Variants in CEP78 observed in about 807,000 individuals in gnomAD.
CEP78 encodes centrosomal protein of 78 kDa.
In CEP78, 76 loss-of-function variants were observed where a neutral mutation model predicts 81.2. That is an observed-to-expected ratio of 0.94 (90% CI 0.78 to 1.13). CEP78 has a LOEUF of 1.13. Ranked by LOEUF, CEP78 falls within the 50% of genes most tolerant of loss-of-function variation. The pLI is 0.00. For synonymous variants in CEP78, 293 were observed against 301.4 expected (o/e 0.97, Z 0.29); for missense variants, 918 against 846.8 (o/e 1.08, Z -1.04).
At chr9:78,248,499 A>G in intron 7 of CEP78, 144 bp downstream of exon 7, 1 of 651,200 alleles carries the variant, frequency 1.5e-6, no homozygotes, top group Admixed American at 2.9e-5. Context: ...CTAGGACTGT[A>G]GGTATATATC....
chr9:78,263,168 G>A (rs1324167047), intron 12 of CEP78, among the ~76,000 whole-genome samples, 184 bp downstream of exon 12: 1 of 152,036 alleles, frequency 6.6e-6, no homozygotes, highest in Non-Finnish European at 1.5e-5. Flanking sequence ...ATTCCAAAAA[G>A]CATGTTTTTT....
intron 2 of CEP78, 38 bp downstream of exon 2, chr9:78,240,233 G>A: frequency 1.9e-6 from 3 of 1,612,734 alleles, no homozygotes; most frequent in Non-Finnish European, 2.5e-6. Context: ...ACATTTGATA[G>A]TTGCTTTTAG....
chr9:78,237,654 A>C (rs538763572), intron 1 of CEP78, among the ~76,000 whole-genome samples: 2 of 152,298 alleles, frequency 1.3e-5, no homozygotes, highest in South Asian at 4.1e-4. Flanking sequence ...TTGTCCTGTC[A>C]TAGAGTTGGA....
Position 78,248,317 on chromosome 9 carries a change from A to G in CEP78, c.919A>G (p.Lys307Glu). The change falls in exon 7 of 17, where the codon AAA (lysine) becomes GAA (glutamate). Residue 307 changes from lysine (K) to glutamate (E), a missense_variant. Lys to Glu is a moderately conservative substitution (Grantham distance 56). Transcript: ENST00000643273. ...TCATTCTATGATGAAAGCAGTTATC[A>G]AAAAAGTCCTCCAGAATGGAAGGAG... ...IDHSMMKAVI[K>E]KVLQNGRSAK... 6.3e-7 allele frequency: 1 copy of G among 1,577,842 alleles called. No homozygotes were observed. The highest frequency in any genetic ancestry group is 8.7e-7 in the Non-Finnish European group (1 of 1,147,184).
chr9:78,236,678 C>T, intron 1 of CEP78, 75 bp downstream of exon 1: 2 of 1,489,840 alleles, frequency 1.3e-6, no homozygotes, highest in South Asian at 1.4e-5. Context: ...TGTCCATTGT[C>T]GGGGTATGTG....
intron 8 of CEP78, 91 bp from the exon 9 acceptor site, chr9:78,251,817 T>G: frequency 1.8e-6 from 2 of 1,128,746 alleles, no homozygotes; most frequent in Non-Finnish European, 2.4e-6. Context: ...CAGGTGCCCA[T>G]TTGTATTCTT....
At chr9:78,246,593 C>T in intron 5 of CEP78, 76 bp from the exon 6 acceptor site, 1 of 870,596 alleles carries the variant, frequency 1.1e-6, no homozygotes, top group South Asian at 1.7e-5. Context: ...GAGTGAGACT[C>T]CGTCTCAAAA....
intron 11 of CEP78, among the ~76,000 whole-genome samples, chr9:78,256,536 T>TA (rs1372608906): frequency 1.4e-5 from 2 of 142,098 alleles, no homozygotes; most frequent in African/African-American, 5.3e-5. Flanking sequence ...TTTTTTTTTT[T>TA]TTTTTTTTTT....
rs1826329924 is a variant in CEP78, at chr9:78,243,520, C to T, written c.662C>T (p.Pro221Leu). The change falls in exon 5 of 17, where the codon CCT becomes CTT. Residue 221 changes from proline (P) to leucine (L), a missense_variant. Physicochemically the swap from Pro to Leu is moderately conservative, Grantham distance 98. Coordinates refer to ENST00000643273, the MANE Select transcript of CEP78 (RefSeq NM_001330691.3). ...TWAESLRYRR[P>L]DLDCMAGLRR... is the part of the protein sequence containing the mutation. ...GCTGAGAGTCTTCGCTATAGGAGAC[C>T]TGATCTTGACTGTATGGCTGGCTTA... is the stretch of plus-strand genomic sequence containing the variant. 2 of 1,613,632 alleles carry T rather than the reference C, an allele frequency of 1.2e-6. No individual in the cohort carries two copies. Among genetic ancestry groups the T allele is most frequent in the African/African-American group, 1.3e-5 (1 of 74,888 alleles).
In CEP78 at chr9:78,275,171, G is replaced by A. The variant is rs1314236971; in HGVS notation, c.*4320G>A. On this transcript the variant is annotated 3_prime_UTR_variant, in exon 17 of 17. Transcript: ENST00000643273. ...TTTATAATTTACTATAAATAATTGT[G>A]TAGTGTTAAACCAATAAATTTGAAA... 1 of 152,142 alleles carries A rather than the reference G, an allele frequency of 6.6e-6. No individual in the cohort carries two copies. Among genetic ancestry groups the A allele is most frequent in the East Asian group, 1.9e-4 (1 of 5,204 alleles). 9.4% of individuals were successfully genotyped at this position (152,142 alleles called of 1,614,324 possible). A position where few individuals can be genotyped will look rare whatever the true frequency, so the allele number is the denominator to read the frequency against.
At chr9:78,252,080 A>G in intron 9 of CEP78, 37 bp downstream of exon 9, 2 of 1,518,868 alleles carry the variant, frequency 1.3e-6, no homozygotes, top group Non-Finnish European at 1.8e-6. Context: ...TAGGATAAAA[A>G]TGGGATTCAA....
intron 1 of CEP78, among the ~76,000 whole-genome samples, chr9:78,237,999 C>T (rs1826042286): frequency 6.7e-6 from 1 of 148,900 alleles, no homozygotes; most frequent in Admixed American, 6.7e-5. Flanking sequence ...GTGGCGGGCA[C>T]CTGTAATCCC....
chr9:78,273,096 A>C lies in CEP78; in HGVS notation c.*2245A>C, dbSNP rs1031163089. The C allele has an allele frequency of 6.6e-6, 1 of 152,240 alleles. No homozygotes were observed. Among genetic ancestry groups the C allele is most frequent in the African/African-American group, 2.4e-5 (1 of 41,460 alleles). 9.4% of individuals were successfully genotyped at this position (152,240 alleles called of 1,614,324 possible). A position where few individuals can be genotyped will look rare whatever the true frequency, so the allele number is the denominator to read the frequency against. On this transcript the variant is annotated 3_prime_UTR_variant, in exon 17 of 17. Transcript: ENST00000643273. Reference sequence around the variant, plus strand: ...GAATTTTTAGGTCCAACAAGACGGGAAAGAAAAAGAAACAAGCTACATAGA... The same window carrying C: ...GAATTTTTAGGTCCAACAAGACGGGCAAGAAAAAGAAACAAGCTACATAGA...
intron 11 of CEP78, among the ~76,000 whole-genome samples, chr9:78,259,021 A>G (rs1040217438): frequency 2.0e-5 from 3 of 152,224 alleles, no homozygotes; most frequent in African/African-American, 7.2e-5. Flanking sequence ...CACCAGAAAA[A>G]CAGGTGCAAA....
rs1827760732 is a variant in CEP78 at position 78,274,423 on chromosome 9, G to A, written c.*3572G>A. ...CCTGATTGCGGTGGTGGTAACGTGA[G>A]TCTATACATATGTTAAAATTTATAG... On this transcript the variant is annotated 3_prime_UTR_variant, in exon 17 of 17. Transcript: ENST00000643273. 6.6e-6 allele frequency: 1 copy of A among 152,094 alleles called. No homozygotes were observed. Among genetic ancestry groups the A allele is most frequent in the South Asian group, 2.1e-4 (1 of 4,814 alleles). The allele number at this position is 152,094 out of a possible 1,614,324, so 9.4% of individuals were successfully genotyped here. A position where few individuals can be genotyped will look rare whatever the true frequency, so the allele number is the denominator to read the frequency against.
chr9:78,268,680 C>CTTT (rs1221969870), intron 16 of CEP78, among the ~76,000 whole-genome samples: 28 of 130,692 alleles, frequency 2.1e-4, no homozygotes, highest in Admixed American at 6.5e-4. Context: ...GGTTTCTTTT[C>CTTT]TTTTTTTTTT....
chr9:78,246,619 CA>C lies in CEP78; in HGVS notation c.779-44del, dbSNP rs370666784. 676 of 1,250,396 alleles carry C rather than the reference CA, an allele frequency of 5.4e-4. 2 individuals are homozygous for C. The African/African-American group carries it at 9.2e-3, about 17-fold the overall frequency. 77.5% of individuals were successfully genotyped at this position (1,250,396 alleles called of 1,614,324 possible). A position where few individuals can be genotyped will look rare whatever the true frequency, so the allele number is the denominator to read the frequency against. ...CGTCTCAAAAAAACAAACAAACAAACAAAAAATCTGTATAGAATTAGCAAGT... is the reference window on the plus strand; with the variant it reads ...CGTCTCAAAAAAACAAACAAACAAACAAAAATCTGTATAGAATTAGCAAGT... On this transcript the variant is annotated intron_variant, in intron 5 of 16. Transcript: ENST00000643273.
rs1024254338 is a variant in CEP78, at chr9:78,278,379, T to C, written c.*7528T>C. On this transcript the variant is annotated 3_prime_UTR_variant, in exon 17 of 17. Transcript: ENST00000643273. Reference sequence around the variant, plus strand: ...TCGCCTACATGGCATAGTCAAATGTTTTTAACTTAACCACAACCCACAGTA... The same window carrying C: ...TCGCCTACATGGCATAGTCAAATGTCTTTAACTTAACCACAACCCACAGTA... The C allele has an allele frequency of 6.6e-6, 1 of 152,228 alleles. No homozygotes were observed. Among genetic ancestry groups the C allele is most frequent in the Non-Finnish European group, 1.5e-5 (1 of 68,034 alleles). The allele number at this position is 152,228 out of a possible 1,614,324, so 9.4% of individuals were successfully genotyped here.
In CEP78 at chr9:78,248,362, C is replaced by A. The variant is rs147089729; in HGVS notation, c.957+7C>A. 1.9e-5 allele frequency: 29 copies of A among 1,536,692 alleles called. No homozygotes were observed. In the African/African-American group the frequency reaches 3.1e-4, roughly 17 times the overall value. On this transcript the variant is annotated splice_region_variant and intron_variant, in intron 7 of 16. Coordinates refer to ENST00000643273, the MANE Select transcript of CEP78 (RefSeq NM_001330691.3). ...AAGGAGTGCCAAATCAGAGGTATAT[C>A]ATGTTTTATTTCTCCAGAAAGAATT...
Sources: gnomAD v4.1 joint callset for allele counts (sites outside exome capture counted in the v4.1 genomes callset) on GRCh38, gnomAD v4.1.1 for gene constraint, MANE v1.5 for transcripts, NCBI Gene and HGNC (gene_info 2026-07-23, HGNC 2026-07-21) for gene names.